PXYLP1: variants seen among roughly 807,000 people sequenced by gnomAD.
PXYLP1 encodes acid phosphatase-like 2.
A neutral mutation model predicts 37.9 loss-of-function variants in PXYLP1; 17 were observed. That is an observed-to-expected ratio of 0.45 (90% CI 0.31 to 0.67). The LOEUF is 0.67. Among genes scored for constraint, PXYLP1 ranks in the 30% least tolerant of loss-of-function variants. The pLI is 0.07. For missense variants in PXYLP1, 511 were observed against 612.0 expected, an observed-to-expected ratio of 0.84 and a Z score of 1.74; for synonymous variants, 221 against 232.2, an observed-to-expected ratio of 0.95 and a Z score of 0.44.
intron 1 of PXYLP1, among the ~76,000 whole-genome samples, chr3:141,259,515 AC>A (rs1941342558): frequency 6.6e-6 from 1 of 151,936 alleles, no homozygotes; most frequent in Admixed American, 6.6e-5. Flanking sequence ...CTTCCAGAAG[AC>A]CCATGGATAC....
chr3:141,255,036 T>G (rs1381481499), intron 1 of PXYLP1, among the ~76,000 whole-genome samples: 4 of 152,236 alleles, frequency 2.6e-5, no homozygotes, highest in African/African-American at 9.6e-5. Context: ...CGGTAGCTTG[T>G]AAAAATGCCT....
In PXYLP1 at chr3:141,279,744, C is replaced by T. The variant is rs1941903156; in HGVS notation, c.365+240C>T. Among the ~76,000 whole-genome samples the T allele has an allele frequency of 3.3e-5, 5 of 152,226 alleles. No homozygotes were observed. In the South Asian group the frequency reaches 1.0e-3, roughly 32 times the overall value. Reference sequence around the variant, plus strand: ...GGCCAGTCTGAGGCTCACCCTCCCACCCTGATGTTTTTCACTTTAATAAAC... The same window carrying T: ...GGCCAGTCTGAGGCTCACCCTCCCATCCTGATGTTTTTCACTTTAATAAAC... On this transcript the variant is annotated intron_variant, in intron 4 of 5. Transcript: ENST00000286353.
At chr3:141,285,939 C>T (rs1942066187) in intron 4 of PXYLP1, among the ~76,000 whole-genome samples, 1 of 152,032 alleles carries the variant, frequency 6.6e-6, no homozygotes, top group African/African-American at 2.4e-5. Flanking sequence ...AATTTAAAAA[C>T]GTATTTTTAA....
chr3:141,281,022 T>G (rs960220543), intron 4 of PXYLP1, among the ~76,000 whole-genome samples: 1 of 152,236 alleles, frequency 6.6e-6, no homozygotes, highest in Non-Finnish European at 1.5e-5. Context: ...ACCCTCATAG[T>G]ATTACATTTA....
At chr3:141,282,973 A>ATTT (rs55784202) in intron 4 of PXYLP1, among the ~76,000 whole-genome samples, 4 of 147,178 alleles carry the variant, frequency 2.7e-5, no homozygotes, top group African/African-American at 9.9e-5. Flanking sequence ...AGGCTGTATA[A>ATTT]TTTTTTTTTT....
rs765910079 is a variant in PXYLP1, at chr3:141,292,574, T to C, written c.812T>C (p.Leu271Pro). Residue 271 changes from leucine to proline, a missense_variant, in exon 6 of 6, where the codon CTG becomes CCG. Coordinates refer to ENST00000286353, the MANE Select transcript of PXYLP1 (RefSeq NM_001037172.3). This position sits in a 1 kb window ranked among gnomAD's most constrained non-coding sequence, Gnocchi z 4.3. ...CTCCTACGTTTGAAAAACAGCCAGC[T>C]GGAGAAGACCTACGGGGAGATGGCC... ...QYLLRLKNSQ[L>P]EKTYGEMAKI... is the part of the protein sequence containing the mutation. 1.9e-6 allele frequency: 3 copies of C among 1,614,020 alleles called. No individual in the cohort carries two copies. The highest frequency in any genetic ancestry group is 2.5e-6 in the Non-Finnish European group (3 of 1,180,028).
At chr3:141,245,979 T>C (rs573163892) in intron 1 of PXYLP1, among the ~76,000 whole-genome samples, 21 of 152,258 alleles carry the variant, frequency 1.4e-4, no homozygotes, top group African/African-American at 4.3e-4. Context: ...GGAAATAGCA[T>C]TGAACTGGAA....
chr3:141,242,265 G>T (rs1940822787), intron 1 of PXYLP1, among the ~76,000 whole-genome samples: 1 of 152,142 alleles, frequency 6.6e-6, no homozygotes, highest in Non-Finnish European at 1.5e-5. Flanking sequence ...CCAAATGAGG[G>T]CTCGCCTTGC....
intron 1 of PXYLP1, among the ~76,000 whole-genome samples, chr3:141,240,229 C>T (rs1202220483): frequency 1.3e-5 from 2 of 152,192 alleles, no homozygotes; most frequent in African/African-American, 4.8e-5. Flanking sequence ...ACATGGGTTG[C>T]CCCCAGTTAA....
chr3:141,253,558 C>T (rs929242788), intron 1 of PXYLP1, among the ~76,000 whole-genome samples: 1 of 152,082 alleles, frequency 6.6e-6, no homozygotes, highest in East Asian at 1.9e-4. Context: ...TCCAATCTGC[C>T]GTATCCTAGC....
At chr3:141,236,488 T>C (rs1940660759) in intron 1 of PXYLP1, 1 of 152,216 alleles carries the variant, frequency 6.6e-6, no homozygotes, top group Non-Finnish European at 1.5e-5. Context: ...ACAAATCATT[T>C]TGAATACTAT....
At chr3:141,280,057 A>G (rs73869560) in intron 4 of PXYLP1, among the ~76,000 whole-genome samples, 4 of 152,218 alleles carry the variant, frequency 2.6e-5, no homozygotes, top group Non-Finnish European at 4.4e-5. Context: ...AGCCCTTAGG[A>G]TGAAAAATAA....
intron 2 of PXYLP1, chr3:141,262,610 A>G (rs527834495): frequency 1.1e-4 from 158 of 1,476,512 alleles, no homozygotes; most frequent in Non-Finnish European, 1.4e-4. Flanking sequence ...ATACTTTTTT[A>G]AGGAAAATTT....
intron 2 of PXYLP1, chr3:141,273,035 T>C: frequency 2.0e-6 from 2 of 985,438 alleles, no homozygotes; most frequent in Non-Finnish European, 2.4e-6. Flanking sequence ...ATCGTTTCCA[T>C]ACCTGCACCC....
chr3:141,261,139 T>C (rs1394601407), intron 2 of PXYLP1, among the ~76,000 whole-genome samples: 1 of 152,284 alleles, frequency 6.6e-6, no homozygotes, highest in East Asian at 1.9e-4. Flanking sequence ...CCTCCTTCCC[T>C]TCCTTCCTTC....
chr3:141,260,056 A>T (rs1257613885), intron 1 of PXYLP1, 67 bp from the exon 2 acceptor site: 6 of 1,174,326 alleles, frequency 5.1e-6, no homozygotes, highest in Non-Finnish European at 6.1e-6. Flanking sequence ...AAGTTTGGTT[A>T]TTTTCAGTTG....
rs1324354405 is a variant in PXYLP1 at position 141,294,723 on chromosome 3, A to G, written c.*1518A>G. 4 of 152,208 alleles carry G rather than the reference A, an allele frequency of 2.6e-5. No homozygotes were observed. Among genetic ancestry groups the G allele is most frequent in the Non-Finnish European group, 5.9e-5 (4 of 68,042 alleles). 9.4% of individuals were successfully genotyped at this position (152,208 alleles called of 1,614,324 possible). On this transcript the variant is annotated 3_prime_UTR_variant, in exon 6 of 6. Coordinates refer to ENST00000286353, the MANE Select transcript of PXYLP1 (RefSeq NM_001037172.3). ...GTATTTTATTTTTCCCCCTTCATTC[A>G]AATGTCATGCAGAGAACCAGTATTT... is the stretch of plus-strand genomic sequence containing the variant.
At chr3:141,245,621 A>C (rs544448788) in intron 1 of PXYLP1, among the ~76,000 whole-genome samples, 1 of 152,316 alleles carries the variant, frequency 6.6e-6, no homozygotes, top group African/African-American at 2.4e-5. Flanking sequence ...TGATCTTCAA[A>C]GATCCTGGGA....
intron 1 of PXYLP1, among the ~76,000 whole-genome samples, chr3:141,253,154 C>T (rs941392331): frequency 3.9e-5 from 6 of 152,188 alleles, no homozygotes; most frequent in Non-Finnish European, 7.4e-5. Context: ...AGAGGGCACT[C>T]CAGGGAAGGA....
Sources: allele counts gnomAD v4.1 joint callset (sites outside exome capture counted in the v4.1 genomes callset), GRCh38; gene constraint gnomAD v4.1.1; non-coding constraint Gnocchi (gnomAD v3.1); transcripts MANE v1.5; gene names NCBI Gene and HGNC (gene_info 2026-07-23, HGNC 2026-07-21).